CAMK1D: variants seen among roughly 807,000 people sequenced by gnomAD.
The protein encoded by CAMK1D is calcium/calmodulin-dependent protein kinase type 1D.
In CAMK1D, 9 loss-of-function variants were observed where a neutral mutation model predicts 47.7. The ratio of observed to expected loss-of-function variants is 0.19; its 90% CI spans 0.11 to 0.33. The LOEUF (loss-of-function observed/expected upper bound fraction) is 0.33, where lower values mean the gene tolerates loss of function less well. Ranked by LOEUF, CAMK1D falls within the 10% of genes least tolerant of loss-of-function variation. The pLI is 1.00. For synonymous variants in CAMK1D, 184 were observed against 184.9 expected (o/e 0.99, Z 0.04); for missense variants, 291 against 488.7 (o/e 0.60, Z 3.81).
At chr10:12,820,373 A>G (rs1832973345) in intron 8 of CAMK1D, among the ~76,000 whole-genome samples, 1 of 152,166 alleles carries the variant, frequency 6.6e-6, no homozygotes, top group Non-Finnish European at 1.5e-5. Context: ...AATGATGAAA[A>G]CTAATGCACT....
intron 1 of CAMK1D, among the ~76,000 whole-genome samples, chr10:12,467,676 A>C (rs1347491246): frequency 6.6e-6 from 1 of 152,216 alleles, no homozygotes; most frequent in Non-Finnish European, 1.5e-5. Flanking sequence ...GCGTTAGCAG[A>C]GATACACTTC....
intron 2 of CAMK1D, among the ~76,000 whole-genome samples, chr10:12,581,405 G>A (rs1277537648): frequency 6.6e-6 from 1 of 152,176 alleles, no homozygotes; most frequent in African/African-American, 2.4e-5. Flanking sequence ...TAGATATCCA[G>A]TAGTGGGATT....
chr10:12,679,038 G>C (rs1029117084), intron 3 of CAMK1D, among the ~76,000 whole-genome samples: 1 of 152,158 alleles, frequency 6.6e-6, no homozygotes, highest in Non-Finnish European at 1.5e-5. Context: ...TGGGATTACA[G>C]ATGTGAGCCA....
intron 1 of CAMK1D, among the ~76,000 whole-genome samples, chr10:12,457,477 A>G (rs1042005869): frequency 6.6e-6 from 1 of 152,016 alleles, no homozygotes; most frequent in African/African-American, 2.4e-5. Flanking sequence ...TGCATGGAGT[A>G]TGCTGCTCTT....
intron 2 of CAMK1D, among the ~76,000 whole-genome samples, chr10:12,640,732 C>T (rs1386471013): frequency 3.9e-5 from 6 of 152,098 alleles, no homozygotes; most frequent in Non-Finnish European, 7.3e-5. Flanking sequence ...TCATCCGTGC[C>T]GTGCTGTGTG....
At chr10:12,618,755 G>A (rs1274695763) in intron 2 of CAMK1D, among the ~76,000 whole-genome samples, 1 of 152,156 alleles carries the variant, frequency 6.6e-6, no homozygotes, top group East Asian at 1.9e-4. Context: ...TTTAAACTTT[G>A]CGTAGGAAGA....
At chr10:12,566,496 C>T (rs552283232) in intron 2 of CAMK1D, among the ~76,000 whole-genome samples, 3 of 152,246 alleles carry the variant, frequency 2.0e-5, no homozygotes, top group Non-Finnish European at 4.4e-5. Flanking sequence ...GTTATCTGAC[C>T]GTCTGCTTCT....
At chr10:12,532,267 TTTATCTTTTTA>T (rs1835828514) in intron 1 of CAMK1D, among the ~76,000 whole-genome samples, 1 of 151,824 alleles carries the variant, frequency 6.6e-6, no homozygotes, top group Non-Finnish European at 1.5e-5. Flanking sequence ...AAGAGTCCTG[TTTATCTTTTTA>T]TTTTCTTTTT....
intron 3 of CAMK1D, among the ~76,000 whole-genome samples, chr10:12,694,861 T>C (rs1833200724): frequency 6.6e-6 from 1 of 151,880 alleles, no homozygotes; most frequent in Admixed American, 6.6e-5. Flanking sequence ...ATTGTCAAAG[T>C]ATTACAAAGA....
chr10:12,437,474 C>T (rs1270055881), intron 1 of CAMK1D, among the ~76,000 whole-genome samples: 1 of 152,190 alleles, frequency 6.6e-6, no homozygotes, highest in African/African-American at 2.4e-5. Flanking sequence ...GGATTACAGG[C>T]GTGAGCTACC....
At chr10:12,523,106 G>C (rs953286795) in intron 1 of CAMK1D, among the ~76,000 whole-genome samples, 8 of 151,764 alleles carry the variant, frequency 5.3e-5, no homozygotes, top group Non-Finnish European at 8.8e-5. Context: ...TCACTTCTCA[G>C]ACGGGGCGGC....
At chr10:12,690,936 A>T (rs977725428) in intron 3 of CAMK1D, among the ~76,000 whole-genome samples, 1 of 152,136 alleles carries the variant, frequency 6.6e-6, no homozygotes. Flanking sequence ...TGTTATGGCC[A>T]CTAGGTGTTG....
chr10:12,542,402 T>C (rs1302615392), intron 1 of CAMK1D, among the ~76,000 whole-genome samples: 2 of 152,200 alleles, frequency 1.3e-5, no homozygotes, highest in African/African-American at 2.4e-5. Flanking sequence ...CTAAAAAGCA[T>C]AGAAAGGCAA....
intron 1 of CAMK1D, among the ~76,000 whole-genome samples, chr10:12,361,960 C>A (rs940312146): frequency 1.3e-5 from 2 of 152,130 alleles, no homozygotes; most frequent in Non-Finnish European, 2.9e-5. Flanking sequence ...GGCTTTGGAG[C>A]CTCCCCTACC....
chr10:12,766,350 G>A (rs1347450825), intron 4 of CAMK1D, among the ~76,000 whole-genome samples: 5 of 115,318 alleles, frequency 4.3e-5, no homozygotes, highest in Admixed American at 1.2e-4. Context: ...CCAGCCCCAC[G>A]TTGCCTGTTT....
chr10:12,634,881 T>C (rs1197334007), intron 2 of CAMK1D, among the ~76,000 whole-genome samples: 2 of 152,136 alleles, frequency 1.3e-5, no homozygotes, highest in Non-Finnish European at 2.9e-5. Flanking sequence ...ATTCTGCCCA[T>C]GTTCAGTGGG....
At chr10:12,375,727 C>T (rs1325515208) in intron 1 of CAMK1D, among the ~76,000 whole-genome samples, 1 of 152,138 alleles carries the variant, frequency 6.6e-6, no homozygotes, top group African/African-American at 2.4e-5. Flanking sequence ...GTTGGGGTTT[C>T]CTCCTCTCAA....
chr10:12,813,806 GC>G, intron 6 of CAMK1D, among the ~76,000 whole-genome samples: 1 of 151,810 alleles, frequency 6.6e-6, no homozygotes, highest in South Asian at 2.1e-4. Flanking sequence ...TGTCACCCAG[GC>G]TAGAGTGCAG....
chr10:12,716,927 TC>T, intron 3 of CAMK1D, among the ~76,000 whole-genome samples: 1 of 152,284 alleles, frequency 6.6e-6, no homozygotes, highest in East Asian at 1.9e-4. Flanking sequence ...CAGCACCAGA[TC>T]CTGTGAGCAA....
Sources: allele counts gnomAD v4.1 joint callset (sites outside exome capture counted in the v4.1 genomes callset), GRCh38; gene constraint gnomAD v4.1.1; transcripts MANE v1.5; gene names NCBI Gene and HGNC (gene_info 2026-07-23, HGNC 2026-07-21).